SLK: variants seen among roughly 807,000 people sequenced by gnomAD.
SLK encodes STE20 like kinase.
Under a neutral mutation model 147.7 loss-of-function variants are expected in SLK, and 67 were observed. The observed-to-expected ratio is 0.45, with a 90% CI of 0.37 to 0.56. The LOEUF is 0.56. Among genes scored for constraint, SLK ranks in the 20% least tolerant of loss-of-function variants. The pLI is 0.00. For synonymous variants in SLK, 441 were observed against 475.0 expected, an observed-to-expected ratio of 0.93 and a Z score of 0.93; for missense variants, 1,136 against 1,438.8, an observed-to-expected ratio of 0.79 and a Z score of 3.41.
At chr10:103,999,979 A>C (rs779736101) in intron 7 of SLK, 31 bp downstream of exon 7, 13 of 954,962 alleles carry the variant, frequency 1.4e-5, no homozygotes, top group Non-Finnish European at 2.1e-5. Context: ...CAAATAATAT[A>C]ATTATTTTAA....
intron 9 of SLK, 36 bp from the exon 10 acceptor site, chr10:104,005,524 CT>C: frequency 6.4e-7 from 1 of 1,572,176 alleles, no homozygotes; most frequent in Non-Finnish European, 8.6e-7. Flanking sequence ...TCCAGTATTC[CT>C]TGTACAAAGC....
intron 8 of SLK, 141 bp downstream of exon 8, chr10:104,001,713 G>T: frequency 1.1e-6 from 1 of 878,994 alleles, no homozygotes; most frequent in East Asian, 2.5e-5. Context: ...GTTGCTCGTC[G>T]CTGCACATTT....
At chr10:104,007,576 C>A (rs942809816) in intron 11 of SLK, among the ~76,000 whole-genome samples, 22 of 151,680 alleles carry the variant, frequency 1.5e-4, no homozygotes, top group Non-Finnish European at 2.5e-4. Context: ...CCACTGCACT[C>A]CAGCCTGGGC....
At chr10:104,001,333 C>G (rs762351261) in intron 7 of SLK, 111 bp from the exon 8 acceptor site, 2 of 832,720 alleles carry the variant, frequency 2.4e-6, no homozygotes, top group Non-Finnish European at 3.7e-6. Context: ...CTGTCATTTT[C>G]CTGCCCACAT....
At chr10:104,018,012 C>G in intron 13 of SLK, 148 bp from the exon 14 acceptor site, 2 of 589,664 alleles carry the variant, frequency 3.4e-6, no homozygotes, top group Non-Finnish European at 5.9e-6. Context: ...TACATTTGTA[C>G]TATATAATTT....
Position 103,970,462 on chromosome 10 carries a change from G to A in SLK, c.150+2567G>A, listed in dbSNP as rs74532409. Among the ~76,000 whole-genome samples the A allele has an allele frequency of 9.4e-3, 1,425 of 152,232 alleles. 23 individuals carry two copies. Among genetic ancestry groups the A allele is most frequent in the African/African-American group, 0.032 (1,325 of 41,564 alleles). ...GAGAATTTCTGTGATCTTGATGACTGTATTTTAGTATGATATTTGAAGAGC... is the reference window on the plus strand; with the variant it reads ...GAGAATTTCTGTGATCTTGATGACTATATTTTAGTATGATATTTGAAGAGC... On this transcript the variant is annotated intron_variant, in intron 1 of 18. Transcript: ENST00000369755.
At chr10:104,013,359 C>G (rs1017847205) in intron 13 of SLK, among the ~76,000 whole-genome samples, 2 of 152,190 alleles carry the variant, frequency 1.3e-5, no homozygotes, top group Admixed American at 6.5e-5. Flanking sequence ...CAAGCAACAC[C>G]ACTTTTGCTG....
chr10:103,995,418 CTTTTCTTTTTTTTTT>C (rs1316710058), intron 4 of SLK, among the ~76,000 whole-genome samples: 1 of 79,486 alleles, frequency 1.3e-5, no homozygotes, highest in Non-Finnish European at 2.4e-5. Context: ...TCTTTTCTTT[CTTTTCTTTTTTTTTT>C]TTTTTTTTTT....
rs1475291959 is a variant in SLK, at chr10:104,003,168, G to C, written c.1990G>C (p.Ala664Pro). 6.2e-7 allele frequency: 1 copy of C among 1,614,006 alleles called. No individual in the cohort carries two copies. The highest frequency in any genetic ancestry group is 1.7e-5 in the Admixed American group (1 of 60,006). ...RSVVADTDQKALGSEVQDASK... is the reference protein window; with the variant it reads ...RSVVADTDQKPLGSEVQDASK... ...TGTGGTGGCTGATACTGACCAAAAG[G>C]CTTTAGGAAGTGAAGTTCAGGATGC... Residue 664 changes from alanine (A) to proline (P), a missense_variant, in exon 9 of 19, where the codon GCT becomes CCT. Physicochemically the swap from Ala to Pro is conservative, Grantham distance 27. Coordinates refer to ENST00000369755, the MANE Select transcript of SLK (RefSeq NM_014720.4).
intron 1 of SLK, among the ~76,000 whole-genome samples, chr10:103,975,533 T>C (rs1843859285): frequency 7.3e-6 from 1 of 137,858 alleles, no homozygotes; most frequent in African/African-American, 2.7e-5. Context: ...TCTCTTAGAC[T>C]ACTGCAGTCT....
At chr10:104,019,036 C>A in intron 15 of SLK, 128 bp downstream of exon 15, 3 of 921,444 alleles carry the variant, frequency 3.3e-6, no homozygotes, top group Non-Finnish European at 4.8e-6. Flanking sequence ...CCTACAATTT[C>A]TTGGATGAAG....
At chr10:103,998,859 T>G (rs745337262) in intron 4 of SLK, 40 bp from the exon 5 acceptor site, 66 of 1,469,280 alleles carry the variant, frequency 4.5e-5, no homozygotes, top group African/African-American at 6.9e-5. Context: ...TGAACAATGC[T>G]TAAAAGTTCT....
At position 104,027,730 on chromosome 10, in the gene SLK, G is replaced by T. The variant is rs1469778916; in HGVS notation, c.*2010G>T. ...ATTTTTTTTCTAGTATCATTTAATT[G>T]ATACCCTGTGCGCTAAATAGTGTGT... On this transcript the variant is annotated 3_prime_UTR_variant, in exon 19 of 19. Transcript: ENST00000369755. 1 of 152,024 alleles carries T rather than the reference G, an allele frequency of 6.6e-6. No individual in the cohort carries two copies. Among genetic ancestry groups the T allele is most frequent in the African/African-American group, 2.4e-5 (1 of 41,380 alleles). 9.4% of individuals were successfully genotyped at this position (152,024 alleles called of 1,614,324 possible). A position where few individuals can be genotyped will look rare whatever the true frequency, so the allele number is the denominator to read the frequency against.
chr10:103,974,969 C>T (rs1166331170), intron 1 of SLK, among the ~76,000 whole-genome samples: 1 of 149,916 alleles, frequency 6.7e-6, no homozygotes, highest in African/African-American at 2.5e-5. Context: ...TCACCTGGCC[C>T]GTCTTTTGGC....
chr10:103,991,406 A>G (rs924278006), intron 2 of SLK, among the ~76,000 whole-genome samples: 4 of 152,130 alleles, frequency 2.6e-5, no homozygotes, highest in South Asian at 2.1e-4. Context: ...TAATCTGTCA[A>G]TCACTTGTTC....
intron 1 of SLK, among the ~76,000 whole-genome samples, chr10:103,990,089 A>G (rs1475317197): frequency 1.3e-5 from 2 of 152,254 alleles, no homozygotes; most frequent in Non-Finnish European, 2.9e-5. Context: ...AGAAAGGTCT[A>G]TACATACTCT....
chr10:104,003,757 A>C (rs1844287535), intron 9 of SLK, among the ~76,000 whole-genome samples: 1 of 152,246 alleles, frequency 6.6e-6, no homozygotes, highest in Admixed American at 6.5e-5. Context: ...GCAGATAAAC[A>C]GTGTAATATG....
Position 103,967,750 on chromosome 10 carries a change from C to G in SLK, c.5C>G (p.Ser2Cys). Reference sequence around the variant, plus strand: ...AACTCTGTGTTGGGAGGAAAAATGTCCTTCTTCAATTTCCGTAAGATCTTC... The same window carrying G: ...AACTCTGTGTTGGGAGGAAAAATGTGCTTCTTCAATTTCCGTAAGATCTTC... M[S>C]FFNFRKIFKL... The change falls in exon 1 of 19, where the codon TCC becomes TGC. Residue 2 changes from serine to cysteine, a missense_variant. By Grantham distance (112) the Ser-to-Cys change is moderately radical. Around this residue, in one of 6 missense-constraint regions of SLK, gnomAD observed 126 missense variants for 141.3 expected, o/e 0.89. Transcript: ENST00000369755. 1.9e-6 allele frequency: 3 copies of G among 1,613,958 alleles called. No individual in the cohort carries two copies. The highest frequency in any genetic ancestry group is 2.5e-6 in the Non-Finnish European group (3 of 1,179,882).
Position 103,990,706 on chromosome 10 carries a change from C to T in SLK, c.182C>T (p.Ala61Val). ...AQNKETSVLA[A>V]AKVIDTKSEE... ...AATAAAGAGACCAGTGTTTTAGCTG[C>T]TGCAAAAGTGATTGACACTAAATCT... is the stretch of plus-strand genomic sequence containing the variant. The change falls in exon 2 of 19, where the codon GCT becomes GTT. Residue 61 changes from alanine to valine, a missense_variant. Ala to Val is a moderately conservative substitution (Grantham distance 64). This residue lies in a region of SLK where 126 missense variants were observed against 141.3 expected (regional missense o/e 0.89). Transcript: ENST00000369755. The T allele has an allele frequency of 6.4e-7, 1 of 1,569,946 alleles. No homozygotes were observed. Among genetic ancestry groups the T allele is most frequent in the Non-Finnish European group, 8.6e-7 (1 of 1,161,684 alleles).
Sources: gnomAD v4.1 joint callset for allele counts (sites outside exome capture counted in the v4.1 genomes callset) on GRCh38, gnomAD v4.1.1 for gene constraint, gnomAD v4.1.1 regional missense constraint, MANE v1.5 for transcripts, NCBI Gene and HGNC (gene_info 2026-07-23, HGNC 2026-07-21) for gene names.